Variants in GNB5 observed in about 807,000 individuals in gnomAD.
GNB5 encodes G protein subunit beta 5.
A neutral mutation model predicts 55.3 loss-of-function variants in GNB5; 37 were observed. That is an observed-to-expected ratio of 0.67 (90% CI 0.51 to 0.88). The LOEUF (loss-of-function observed/expected upper bound fraction) is 0.88. GNB5 is among the 40% of genes least tolerant of loss of function. The pLI is 0.00. For missense variants in GNB5, 476 were observed against 515.3 expected, an observed-to-expected ratio of 0.92 and a Z score of 0.74; for synonymous variants, 219 against 198.5, an observed-to-expected ratio of 1.10 and a Z score of -0.87.
intron 3 of GNB5, among the ~76,000 whole-genome samples, chr15:52,155,992 A>C: frequency 6.6e-6 from 1 of 152,164 alleles, no homozygotes; most frequent in East Asian, 1.9e-4. Flanking sequence ...GGCCTGAATG[A>C]GTGATTGTGA....
chr15:52,153,937 T>C lies in GNB5; in HGVS notation c.375+3A>G, dbSNP rs766004901. 28 of 1,610,600 alleles carry C rather than the reference T, an allele frequency of 1.7e-5. No homozygotes were observed. The highest frequency in any genetic ancestry group is 2.4e-5 in the Non-Finnish European group (28 of 1,177,546). The stretch of plus-strand genomic sequence containing the variant: ...CACCTGTTATGCAGCAGGTGTGACA[T>C]ACCTGTGACGAGCTCACGATCCTCC... On this transcript the variant is annotated splice_donor_region_variant and intron_variant, in intron 4 of 12. Transcript: ENST00000261837.
intron 6 of GNB5, among the ~76,000 whole-genome samples, chr15:52,146,211 C>A (rs1356267000): frequency 6.6e-6 from 1 of 152,150 alleles, no homozygotes; most frequent in Non-Finnish European, 1.5e-5. Context: ...CCAGTCTCAG[C>A]CTCCCAAAGT....
At position 52,118,477 on chromosome 15, in the gene GNB5, T is replaced by A. The variant is rs1253709996; in HGVS notation, c.*4280A>T. On this transcript the variant is annotated 3_prime_UTR_variant, in exon 13 of 13. Transcript: ENST00000261837. ...TAATGGAACGTGTGCATCTGTATTC[T>A]TGTGTTTTATAACTTTTTCTCAGTC... is the stretch of plus-strand genomic sequence containing the variant. 6.6e-6 allele frequency: 1 copy of A among 152,212 alleles called. No individual in the cohort carries two copies. Among genetic ancestry groups the A allele is most frequent in the Non-Finnish European group, 1.5e-5 (1 of 68,040 alleles). The allele number at this position is 152,212 out of a possible 1,614,324, so 9.4% of individuals were successfully genotyped here. A position where few individuals can be genotyped will look rare whatever the true frequency, so the allele number is the denominator to read the frequency against.
rs1256933708 is a variant in GNB5 at position 52,179,809 on chromosome 15, C to T, written c.197G>A (p.Gly66Asp). Reference sequence around the variant, plus strand: ...CTTGGCTCGCTCCTCCTCCAGCTTGCCCTTGAGGCTCTCGGCCTCGCTCTT... The same window carrying T: ...CTTGGCTCGCTCCTCCTCCAGCTTGTCCTTGAGGCTCTCGGCCTCGCTCTT... ...SLKSEAESLK[G>D]KLEEERAKLH... is the part of the protein sequence containing the mutation. Residue 66 changes from glycine (G) to aspartate (D), a missense_variant, in exon 3 of 13, where the codon GGC becomes GAC. Gly to Asp is a moderately conservative substitution (Grantham distance 94). Transcript: ENST00000261837. The T allele has an allele frequency of 1.9e-6, 3 of 1,551,148 alleles. No homozygotes were observed. Among genetic ancestry groups the T allele is most frequent in the African/African-American group, 1.4e-5 (1 of 70,362 alleles).
rs1042847833 is a variant in GNB5 at position 52,121,739 on chromosome 15, G to C, written c.*1018C>G. The C allele has an allele frequency of 6.6e-6, 1 of 152,062 alleles. No individual in the cohort carries two copies. Among genetic ancestry groups the C allele is most frequent in the Non-Finnish European group, 1.5e-5 (1 of 68,012 alleles). The allele number at this position is 152,062 out of a possible 1,614,324, so 9.4% of individuals were successfully genotyped here. A position where few individuals can be genotyped will look rare whatever the true frequency, so the allele number is the denominator to read the frequency against. On this transcript the variant is annotated 3_prime_UTR_variant, in exon 13 of 13. Coordinates refer to ENST00000261837, the MANE Select transcript of GNB5 (RefSeq NM_016194.4). ...TGCCTCAGCCTCTCCGAGTAGCTGG[G>C]ACTACAGGCGCCCGCCACCACGCCC...
At chr15:52,169,037 T>C (rs114274961) in intron 3 of GNB5, among the ~76,000 whole-genome samples, 304 of 152,248 alleles carry the variant, frequency 2.0e-3, no homozygotes, top group African/African-American at 7.2e-3. Flanking sequence ...ATCTAGGCAA[T>C]ACCAGGCCGG....
chr15:52,160,420 C>T (rs1398802135), intron 3 of GNB5, among the ~76,000 whole-genome samples: 4 of 152,170 alleles, frequency 2.6e-5, no homozygotes, highest in East Asian at 3.9e-4. Context: ...CTAGGAGCTG[C>T]GAACTAGAAG....
intron 6 of GNB5, among the ~76,000 whole-genome samples, chr15:52,143,677 CCATT>C (rs1480149388): frequency 6.6e-5 from 10 of 152,296 alleles, no homozygotes; most frequent in Admixed American, 5.9e-4. Context: ...AAAAATATCC[CCATT>C]ATTACCTACA....
chr15:52,178,454 G>A (rs1488292155), intron 3 of GNB5, among the ~76,000 whole-genome samples: 1 of 152,152 alleles, frequency 6.6e-6, no homozygotes, highest in Non-Finnish European at 1.5e-5. Flanking sequence ...TGGAGCTGTG[G>A]CAATCATATT....
chr15:52,133,293 T>G, intron 9 of GNB5, 85 bp downstream of exon 9: 1 of 884,920 alleles, frequency 1.1e-6, no homozygotes, highest in Non-Finnish European at 1.9e-6. Context: ...AAACTGAGTC[T>G]GGAGGCGGTT....
chr15:52,173,622 T>C (rs1470509699), intron 3 of GNB5, among the ~76,000 whole-genome samples: 1 of 152,182 alleles, frequency 6.6e-6, no homozygotes, highest in Non-Finnish European at 1.5e-5. Flanking sequence ...TAGACGGAAC[T>C]AGGTCAGTTA....
At chr15:52,184,473 A>G (rs138353052) in intron 2 of GNB5, 78 bp downstream of exon 2, 19 of 1,224,738 alleles carry the variant, frequency 1.6e-5, no homozygotes, top group African/African-American at 1.3e-4. Context: ...AGCTGATTCT[A>G]TGGCATCTCA....
At chr15:52,163,861 G>C (rs1055223827) in intron 3 of GNB5, among the ~76,000 whole-genome samples, 2 of 152,192 alleles carry the variant, frequency 1.3e-5, no homozygotes, top group Admixed American at 6.5e-5. Flanking sequence ...CTGGGATGGA[G>C]TCTCCAGAGG....
At chr15:52,176,902 C>T (rs1690610470) in intron 3 of GNB5, among the ~76,000 whole-genome samples, 1 of 152,176 alleles carries the variant, frequency 6.6e-6, no homozygotes, top group Non-Finnish European at 1.5e-5. Flanking sequence ...CATGAGCTCC[C>T]AGCATAACCT....
Position 52,135,664 on chromosome 15 carries a change from G to C in GNB5, c.720C>G (p.Val240=). ...LQSFHGHGAD[V]LCLDLAPSET... Reference sequence around the variant, plus strand: ...CTGAGGGGGCCAGGTCCAAGCAGAGGACGTCAGCCCCATGTCCGTGGAAGC... The same window carrying C: ...CTGAGGGGGCCAGGTCCAAGCAGAGCACGTCAGCCCCATGTCCGTGGAAGC... Residue 240 remains valine, a synonymous_variant, in exon 8 of 13, where the codon GTC becomes GTG. Transcript: ENST00000261837. The C allele has an allele frequency of 3.1e-6, 5 of 1,613,644 alleles. No homozygotes were observed. The highest frequency in any genetic ancestry group is 4.2e-6 in the Non-Finnish European group (5 of 1,179,842).
At chr15:52,122,850 C>G in intron 12 of GNB5, 82 bp from the exon 13 acceptor site, 1 of 1,000,612 alleles carries the variant, frequency 1.0e-6, no homozygotes, top group Non-Finnish European at 1.6e-6. Flanking sequence ...TAAAATTAGT[C>G]TATTCACACA....
intron 3 of GNB5, among the ~76,000 whole-genome samples, chr15:52,166,608 T>C (rs4506834): frequency 0.25 from 38,646 of 151,976 alleles, 5,473 homozygotes; most frequent in African/African-American, 0.36. Context: ...GAAATTATGG[T>C]AGAAATCAAG....
At chr15:52,153,008 G>A (rs2034132542) in intron 4 of GNB5, among the ~76,000 whole-genome samples, 1 of 152,238 alleles carries the variant, frequency 6.6e-6, no homozygotes, top group Admixed American at 6.5e-5. Context: ...GTACTAAGCT[G>A]TGGGAGCCAG....
At chr15:52,123,595 T>C (rs1358105585) in intron 12 of GNB5, 1 of 149,618 alleles carries the variant, frequency 6.7e-6, no homozygotes. Context: ...CAGCCTGGAG[T>C]GCAGTGGGAT....
Sources: allele counts gnomAD v4.1 joint callset (sites outside exome capture counted in the v4.1 genomes callset), GRCh38; gene constraint gnomAD v4.1.1; transcripts MANE v1.5; gene names NCBI Gene and HGNC (gene_info 2026-07-23, HGNC 2026-07-21).